Variants in MACROD2 observed in about 807,000 individuals in gnomAD.
The protein encoded by MACROD2 is ADP-ribose glycohydrolase MACROD2.
Under a neutral mutation model 70.4 loss-of-function variants are expected in MACROD2, and 36 were observed. That is an observed-to-expected ratio of 0.51 (90% CI 0.39 to 0.68). MACROD2 has a LOEUF of 0.68. MACROD2 is among the 30% of genes least tolerant of loss of function. MACROD2 has a pLI of 0.00. For synonymous variants in MACROD2, 172 were observed against 178.8 expected, an observed-to-expected ratio of 0.96 and a Z score of 0.30; for missense variants, 496 against 538.4, an observed-to-expected ratio of 0.92 and a Z score of 0.78.
intron 15 of MACROD2, among the ~76,000 whole-genome samples, chr20:16,018,241 T>C (rs2147545263): frequency 6.6e-6 from 1 of 152,234 alleles, no homozygotes; most frequent in South Asian, 2.1e-4. Context: ...GGAGAAGAAA[T>C]GCAGCAGTGA....
chr20:14,076,695 C>T (rs950416416), intron 2 of MACROD2, among the ~76,000 whole-genome samples: 1 of 151,728 alleles, frequency 6.6e-6, no homozygotes, highest in Non-Finnish European at 1.5e-5. Context: ...TTCCACCCCC[C>T]AAAGAAGTAC....
At chr20:14,166,104 T>A (rs2148720748) in intron 3 of MACROD2, among the ~76,000 whole-genome samples, 1 of 152,336 alleles carries the variant, frequency 6.6e-6, no homozygotes, top group Non-Finnish European at 1.5e-5. Flanking sequence ...TTATCATAAG[T>A]AAATGGTAAA....
At chr20:14,692,228 T>A (rs2071073266) in intron 5 of MACROD2, among the ~76,000 whole-genome samples, 1 of 152,172 alleles carries the variant, frequency 6.6e-6, no homozygotes, top group African/African-American at 2.4e-5. Flanking sequence ...CTCTATTGCG[T>A]GCTCAAGTGT....
At chr20:15,238,579 G>A (rs112625146) in intron 6 of MACROD2, among the ~76,000 whole-genome samples, 118 of 151,794 alleles carry the variant, frequency 7.8e-4, no homozygotes, top group African/African-American at 2.8e-3. Context: ...CAATGATTTG[G>A]GAAATATATT....
At chr20:14,501,416 C>T (rs1288757158) in intron 4 of MACROD2, among the ~76,000 whole-genome samples, 1 of 151,454 alleles carries the variant, frequency 6.6e-6, no homozygotes, top group Non-Finnish European at 1.5e-5. Flanking sequence ...GGTAACTTGT[C>T]ATTGACATCA....
chr20:14,118,062 CAT>C (rs1307017218), intron 3 of MACROD2, among the ~76,000 whole-genome samples: 6 of 152,192 alleles, frequency 3.9e-5, no homozygotes, highest in African/African-American at 1.2e-4. Flanking sequence ...GGTCTACAAA[CAT>C]GTGAGCTAAT....
At chr20:15,174,618 C>T (rs374792994) in intron 5 of MACROD2, among the ~76,000 whole-genome samples, 4,590 of 152,182 alleles carry the variant, frequency 0.03, 228 homozygotes, top group African/African-American at 0.11. Context: ...ACAGTCCCAC[C>T]AACAGTGTAA....
intron 3 of MACROD2, among the ~76,000 whole-genome samples, chr20:14,160,484 C>T (rs982416052): frequency 8.6e-5 from 13 of 152,036 alleles, no homozygotes; most frequent in African/African-American, 3.1e-4. Flanking sequence ...TAATTTATCT[C>T]CTCTAGGTTT....
intron 2 of MACROD2, among the ~76,000 whole-genome samples, chr20:14,009,293 ACAAAGGACATGAACAGG>A (rs1379529475): frequency 2.0e-5 from 3 of 152,232 alleles, no homozygotes; most frequent in Non-Finnish European, 4.4e-5. Context: ...TTAAAAATAG[ACAAAGGACATGAACAGG>A]CACTTCTCAA....
chr20:15,314,504 C>T (rs774558254), intron 6 of MACROD2, among the ~76,000 whole-genome samples: 5 of 152,120 alleles, frequency 3.3e-5, no homozygotes, highest in Non-Finnish European at 5.9e-5. Flanking sequence ...ACTCCCCTAC[C>T]CGGCTTGGTA....
At chr20:14,073,736 A>G (rs1255249433) in intron 2 of MACROD2, among the ~76,000 whole-genome samples, 1 of 152,244 alleles carries the variant, frequency 6.6e-6, no homozygotes, top group Non-Finnish European at 1.5e-5. Context: ...ATTATAAACA[A>G]TTATAAATGT....
At chr20:15,834,843 C>T (rs1600969866) in intron 8 of MACROD2, among the ~76,000 whole-genome samples, 1 of 152,148 alleles carries the variant, frequency 6.6e-6, no homozygotes, top group East Asian at 1.9e-4. Context: ...CATGACTCTC[C>T]CCCACTGACA....
chr20:15,414,461 G>C (rs556188022), intron 6 of MACROD2, among the ~76,000 whole-genome samples: 5 of 152,172 alleles, frequency 3.3e-5, no homozygotes, highest in African/African-American at 1.2e-4. Context: ...AGCTGTAGAC[G>C]TGTCATGGAC....
At chr20:14,573,516 G>C (rs1980356916) in intron 4 of MACROD2, among the ~76,000 whole-genome samples, 4 of 152,090 alleles carry the variant, frequency 2.6e-5, no homozygotes. Context: ...GGAAACCTGA[G>C]ACTTGTTGAG....
chr20:15,772,104 AT>A (rs1382900535), intron 8 of MACROD2, among the ~76,000 whole-genome samples: 27,874 of 76,286 alleles, frequency 0.37, 4,624 homozygotes, highest in South Asian at 0.45. Context: ...AAAAAAAAAT[AT>A]ATATATATAT....
chr20:14,471,361 C>T (rs2084528787), intron 3 of MACROD2, among the ~76,000 whole-genome samples: 1 of 152,152 alleles, frequency 6.6e-6, no homozygotes. Context: ...CGGAGCTGTT[C>T]CTATTTGGCC....
At chr20:14,483,771 A>T (rs868103971) in intron 3 of MACROD2, among the ~76,000 whole-genome samples, 3 of 152,240 alleles carry the variant, frequency 2.0e-5, no homozygotes, top group African/African-American at 7.2e-5. Flanking sequence ...AAATTTAATT[A>T]GAAAGTAGTG....
chr20:15,976,064 T>G (rs889150108), intron 13 of MACROD2, among the ~76,000 whole-genome samples: 1 of 152,234 alleles, frequency 6.6e-6, no homozygotes, highest in African/African-American at 2.4e-5. Flanking sequence ...AAACAGTCTT[T>G]GTTCTTAAGA....
At chr20:14,470,458 G>A (rs1331984045) in intron 3 of MACROD2, among the ~76,000 whole-genome samples, 1 of 152,300 alleles carries the variant, frequency 6.6e-6, no homozygotes, top group East Asian at 1.9e-4. Flanking sequence ...CAAGTGCTGT[G>A]CTAGAAGATC....
Sources: allele counts gnomAD v4.1 joint callset (sites outside exome capture counted in the v4.1 genomes callset), GRCh38; gene constraint gnomAD v4.1.1; transcripts MANE v1.5; gene names NCBI Gene and HGNC (gene_info 2026-07-23, HGNC 2026-07-21).